ATL3: variants seen among roughly 807,000 people sequenced by gnomAD.
ATL3 encodes atlastin GTPase 3, also known as atlastin-3.
A neutral mutation model predicts 69.5 loss-of-function variants in ATL3; 49 were observed. The ratio of observed to expected loss-of-function variants is 0.71; its 90% CI spans 0.56 to 0.89. The LOEUF (loss-of-function observed/expected upper bound fraction) is 0.89. Ranked by LOEUF, ATL3 falls within the 40% of genes least tolerant of loss-of-function variation. ATL3 has a pLI of 0.00. For synonymous variants in ATL3, 214 were observed against 224.1 expected (o/e 0.95, Z 0.40); for missense variants, 606 against 645.7 (o/e 0.94, Z 0.67).
rs1265711119 is a variant in ATL3, at chr11:63,624,808, C to G, written c.*4511G>C. 6.6e-6 allele frequency: 1 copy of G among 152,134 alleles called. No individual in the cohort carries two copies. Among genetic ancestry groups the G allele is most frequent in the Non-Finnish European group, 1.5e-5 (1 of 68,020 alleles). The allele number at this position is 152,134 out of a possible 1,614,324, so 9.4% of individuals were successfully genotyped here. A position where few individuals can be genotyped will look rare whatever the true frequency, so the allele number is the denominator to read the frequency against. ...TTACTACTTCTGAACACAGAAAACG[C>G]CTGGGGATTGTACTGGCAAGAGACC... On this transcript the variant is annotated 3_prime_UTR_variant, in exon 13 of 13. Transcript: ENST00000398868.
intron 10 of ATL3, among the ~76,000 whole-genome samples, chr11:63,635,242 G>A (rs972326626): frequency 6.6e-6 from 1 of 151,904 alleles, no homozygotes; most frequent in Admixed American, 6.6e-5. Context: ...TAACATGGTG[G>A]GTATGTTTCA....
upstream of ATL3, chr11:63,671,445 A>G: frequency 1.3e-6 from 2 of 1,490,990 alleles, no homozygotes; most frequent in Non-Finnish European, 8.9e-7. Context: ...CCTGGGCTCT[A>G]GAAAAAACTA....
At position 63,662,006 on chromosome 11, in the gene ATL3, G is replaced by C. The variant is rs983407153; in HGVS notation, c.47-2754C>G. Among the ~76,000 whole-genome samples, 15 of 151,920 alleles carry C rather than the reference G, an allele frequency of 9.9e-5. 1 individual carries two copies. The highest frequency in any genetic ancestry group is 9.2e-4 in the Admixed American group (14 of 15,216). On this transcript the variant is annotated intron_variant, in intron 1 of 12. Coordinates refer to ENST00000398868, the MANE Select transcript of ATL3 (RefSeq NM_015459.5). ...GCAGGCGTGTCACCTGAGGTCAGGAGTTCGAGACCACCCTGGTCCAACATG... is the reference window on the plus strand; with the variant it reads ...GCAGGCGTGTCACCTGAGGTCAGGACTTCGAGACCACCCTGGTCCAACATG...
At chr11:63,641,808 ACT>A (rs1939709847) in intron 8 of ATL3, among the ~76,000 whole-genome samples, 1 of 151,932 alleles carries the variant, frequency 6.6e-6, no homozygotes, top group Non-Finnish European at 1.5e-5. Context: ...ACTTTAAAAA[ACT>A]CTGCCTACTC....
intron 10 of ATL3, among the ~76,000 whole-genome samples, chr11:63,634,869 A>G (rs527582847): frequency 6.6e-6 from 1 of 151,922 alleles, no homozygotes; most frequent in South Asian, 2.1e-4. Context: ...TCTTTTAATT[A>G]AAAAAATTAT....
rs1939186895 is a variant in ATL3, at chr11:63,628,330, A to AG, written c.*988_*989insC. On this transcript the variant is annotated 3_prime_UTR_variant, in exon 13 of 13. Coordinates refer to ENST00000398868, the MANE Select transcript of ATL3 (RefSeq NM_015459.5). ...GAAGCTATAGGGACCAAAAAAAAAA[A>AG]AAAAATAGAGCAAGTTGCAACAAAA... 6.6e-6 allele frequency: 1 copy of AG among 152,140 alleles called. No individual in the cohort carries two copies. Among genetic ancestry groups the AG allele is most frequent in the East Asian group, 1.9e-4 (1 of 5,204 alleles). 9.4% of individuals were successfully genotyped at this position (152,140 alleles called of 1,614,324 possible). A position where few individuals can be genotyped will look rare whatever the true frequency, so the allele number is the denominator to read the frequency against.
chr11:63,634,493 C>A (rs1354191010), intron 10 of ATL3, among the ~76,000 whole-genome samples: 1 of 151,054 alleles, frequency 6.6e-6, no homozygotes, highest in Non-Finnish European at 1.5e-5. Flanking sequence ...GGCAACAGAG[C>A]AAGATTCCAC....
At chr11:63,661,995 T>G (rs1940436318) in intron 1 of ATL3, among the ~76,000 whole-genome samples, 1 of 151,960 alleles carries the variant, frequency 6.6e-6, no homozygotes, top group Non-Finnish European at 1.5e-5. Flanking sequence ...GCGTGTCACC[T>G]GAGGTCAGGA....
At chr11:63,662,212 C>CAAAAAAAA (rs1228390912) in intron 1 of ATL3, among the ~76,000 whole-genome samples, 2 of 84,734 alleles carry the variant, frequency 2.4e-5, no homozygotes, top group Non-Finnish European at 4.8e-5. Flanking sequence ...GACTCTATCT[C>CAAAAAAAA]AAAAAAAAAA....
intron 8 of ATL3, among the ~76,000 whole-genome samples, chr11:63,639,479 G>A (rs1939620975): frequency 6.6e-6 from 1 of 152,182 alleles, no homozygotes; most frequent in Non-Finnish European, 1.5e-5. Flanking sequence ...GGGCGTGGTG[G>A]CTCAAGCCAG....
At chr11:63,666,382 C>T (rs1280783250) in intron 1 of ATL3, among the ~76,000 whole-genome samples, 2 of 151,926 alleles carry the variant, frequency 1.3e-5, no homozygotes, top group Non-Finnish European at 2.9e-5. Context: ...CTCTAACTTG[C>T]ATTTAGTCTA....
At chr11:63,665,127 C>A (rs1940536207) in intron 1 of ATL3, among the ~76,000 whole-genome samples, 1 of 152,058 alleles carries the variant, frequency 6.6e-6, no homozygotes. Context: ...GGGTGGATCA[C>A]CTGAAGTCAG....
intron 11 of ATL3, among the ~76,000 whole-genome samples, chr11:63,631,741 G>A (rs936321610): frequency 3.9e-5 from 6 of 152,160 alleles, no homozygotes; most frequent in Admixed American, 1.3e-4. Context: ...CAGCACTTTC[G>A]GAGGCCAGGG....
chr11:63,630,461 G>A (rs1939274525), intron 12 of ATL3, among the ~76,000 whole-genome samples: 2 of 149,772 alleles, frequency 1.3e-5, no homozygotes, highest in African/African-American at 2.5e-5. Context: ...TGCCAAAGGG[G>A]AACACAATCA....
intron 10 of ATL3, among the ~76,000 whole-genome samples, chr11:63,634,344 A>C (rs1939445096): frequency 6.6e-6 from 1 of 151,674 alleles, no homozygotes; most frequent in Non-Finnish European, 1.5e-5. Context: ...GTCTCTACTA[A>C]AAATACAAAG....
intron 1 of ATL3, among the ~76,000 whole-genome samples, chr11:63,661,035 A>G (rs1940403248): frequency 6.6e-6 from 1 of 151,232 alleles, no homozygotes; most frequent in Admixed American, 6.6e-5. Context: ...CCAACATGGT[A>G]AAGCCCCGTC....
rs1457554805 is a variant in ATL3 at position 63,635,715 on chromosome 11, AG to A, written c.979-126del. 568 of 701,352 alleles carry A rather than the reference AG, an allele frequency of 8.1e-4. 4 individuals are homozygous for A. The highest frequency in any genetic ancestry group is 4.3e-5 in the Non-Finnish European group (18 of 419,148). 43.4% of individuals were successfully genotyped at this position (701,352 alleles called of 1,614,324 possible). ...AGACTTAGGTCAACAACCAGGAATTAGCAAAAACACACCACACACCTTTGAG... is the reference window on the plus strand; with the variant it reads ...AGACTTAGGTCAACAACCAGGAATTACAAAAACACACCACACACCTTTGAG... On this transcript the variant is annotated intron_variant, in intron 9 of 12. Coordinates refer to ENST00000398868, the MANE Select transcript of ATL3 (RefSeq NM_015459.5).
In ATL3 at chr11:63,624,507, G is replaced by A. The variant is rs1265720004; in HGVS notation, c.*4812C>T. ...CAAAGTTTCTGATATGGGGTACTTA[G>A]GTCACTAATGACAGGAATTAGGATC... On this transcript the variant is annotated 3_prime_UTR_variant, in exon 13 of 13. Transcript: ENST00000398868. 1 of 152,096 alleles carries A rather than the reference G, an allele frequency of 6.6e-6. No homozygotes were observed. The highest frequency in any genetic ancestry group is 1.5e-5 in the Non-Finnish European group (1 of 68,016). The allele number at this position is 152,096 out of a possible 1,614,324, so 9.4% of individuals were successfully genotyped here. A position where few individuals can be genotyped will look rare whatever the true frequency, so the allele number is the denominator to read the frequency against.
At chr11:63,662,414 T>A (rs1056842452) in intron 1 of ATL3, among the ~76,000 whole-genome samples, 1 of 152,216 alleles carries the variant, frequency 6.6e-6, no homozygotes, top group Non-Finnish European at 1.5e-5. Context: ...TGCATGTTAA[T>A]GTATACTTTA....
Sources: allele counts gnomAD v4.1 joint callset (sites outside exome capture counted in the v4.1 genomes callset), GRCh38; gene constraint gnomAD v4.1.1; transcripts MANE v1.5; gene names NCBI Gene and HGNC (gene_info 2026-07-23, HGNC 2026-07-21).